The following ARRDC4 variants were observed in gnomAD, a reference collection of about 807,000 sequenced individuals.
The protein encoded by ARRDC4 is arrestin domain-containing protein 4.
A neutral mutation model predicts 44.6 loss-of-function variants in ARRDC4; 40 were observed. The observed-to-expected ratio is 0.90, with a 90% CI of 0.70 to 1.17. The LOEUF (loss-of-function observed/expected upper bound fraction) is 1.17. ARRDC4 is among the 50% of genes most tolerant of loss of function. ARRDC4 has a pLI of 0.00. For synonymous variants in ARRDC4, 211 were observed against 221.2 expected (o/e 0.95, Z 0.41); for missense variants, 550 against 559.1 (o/e 0.98, Z 0.16).
chr15:97,970,803 G>A lies in ARRDC4; in HGVS notation c.1200+60G>A. On this transcript the variant is annotated intron_variant, in intron 7 of 7. Coordinates refer to ENST00000268042, the MANE Select transcript of ARRDC4 (RefSeq NM_183376.3). The surrounding 1 kb of genome is among the most constrained non-coding windows in gnomAD (Gnocchi z 4.2). ...TATTATTTTCAAATAATCATTTTTT[G>A]TCATCCGTTCATTAGAGTGTCTGTT... The A allele has an allele frequency of 6.5e-7, 1 of 1,528,762 alleles. No homozygotes were observed. The highest frequency in any genetic ancestry group is 8.9e-7 in the Non-Finnish European group (1 of 1,117,802). The allele number at this position is 1,528,762 out of a possible 1,614,324, so 94.7% of individuals were successfully genotyped here.
In ARRDC4 at chr15:97,969,151, A is replaced by G; in HGVS notation, c.654A>G (p.Ile218Met). The change falls in exon 5 of 8, where the codon ATA becomes ATG. Residue 218 changes from isoleucine to methionine, a missense_variant. Transcript: ENST00000268042. ...AAGCTATTCCAATCTATGCAGAAATAGAAAATTGTTCCTCTCGTCTGATTG... is the reference window on the plus strand; with the variant it reads ...AAGCTATTCCAATCTATGCAGAAATGGAAAATTGTTCCTCTCGTCTGATTG... ...NGEAIPIYAE[I>M]ENCSSRLIVP... 6.2e-7 allele frequency: 1 copy of G among 1,613,876 alleles called. No individual in the cohort carries two copies. The highest frequency in any genetic ancestry group is 8.5e-7 in the Non-Finnish European group (1 of 1,179,788).
At position 97,960,801 on chromosome 15, in the gene ARRDC4, C is replaced by G. The variant is rs1899293331; in HGVS notation, c.-61C>G. On this transcript the variant is annotated 5_prime_UTR_variant, in exon 1 of 8. Coordinates refer to ENST00000268042, the MANE Select transcript of ARRDC4 (RefSeq NM_183376.3). ...CGCCTGTGACAGCGGCGCCGCTGTGCTCGCGACCCCGGCTCCGGGCCTCTG... is the reference window on the plus strand; with the variant it reads ...CGCCTGTGACAGCGGCGCCGCTGTGGTCGCGACCCCGGCTCCGGGCCTCTG... 1 of 1,252,838 alleles carries G rather than the reference C, an allele frequency of 8.0e-7. No homozygotes were observed. Among genetic ancestry groups the G allele is most frequent in the Non-Finnish European group, 1.0e-6 (1 of 998,038 alleles). The allele number at this position is 1,252,838 out of a possible 1,614,324, so 77.6% of individuals were successfully genotyped here. A position where few individuals can be genotyped will look rare whatever the true frequency, so the allele number is the denominator to read the frequency against.
At chr15:97,963,672 C>T (rs1899364369) in intron 1 of ARRDC4, among the ~76,000 whole-genome samples, 1 of 152,216 alleles carries the variant, frequency 6.6e-6, no homozygotes, top group Non-Finnish European at 1.5e-5. Context: ...TCTAGCACTC[C>T]ATGGTCATTG....
In ARRDC4 at chr15:97,968,630, A is replaced by G. The variant is rs1354444369; in HGVS notation, c.626-493A>G. 6.6e-6 allele frequency among the ~76,000 whole-genome samples: 1 copy of G among 152,194 alleles called. No homozygotes were observed. Among genetic ancestry groups the G allele is most frequent in the African/African-American group, 2.4e-5 (1 of 41,452 alleles). Reference sequence around the variant, plus strand: ...CAGGATTCTGACTTGTTAGAAAGGAATTCAGTATGGAATGGTATGATGTGC... The same window carrying G: ...CAGGATTCTGACTTGTTAGAAAGGAGTTCAGTATGGAATGGTATGATGTGC... On this transcript the variant is annotated intron_variant, in intron 4 of 7. Transcript: ENST00000268042. The surrounding 1 kb of genome is among the most constrained non-coding windows in gnomAD (Gnocchi z 5.4).
At position 97,968,017 on chromosome 15, in the gene ARRDC4, C is replaced by G. The variant is rs77718877; in HGVS notation, c.526C>G (p.Pro176Ala). 78 of 1,588,150 alleles carry G rather than the reference C, an allele frequency of 4.9e-5. 1 individual carries two copies. In the South Asian group the frequency reaches 8.2e-4, roughly 17 times the overall value. Residue 176 changes from proline (P) to alanine (A), a missense_variant, in exon 4 of 8, where the codon CCT becomes GCT. Pro to Ala is a conservative substitution (Grantham distance 27). Transcript: ENST00000268042. This position sits in a 1 kb window ranked among gnomAD's most constrained non-coding sequence, Gnocchi z 5.4. ...VDVNTPALLT[P>A]VLKTQEKMVG... ...TTTATTGTTTGAAATTTTCAAGACC[C>G]CTGTATTGAAAACTCAAGAGAAAAT...
rs532070636 is a variant in ARRDC4, at chr15:97,966,424, T to C, written c.522+382T>C. 1.3e-5 allele frequency among the ~76,000 whole-genome samples: 2 copies of C among 152,178 alleles called. No individual in the cohort carries two copies. Among genetic ancestry groups the C allele is most frequent in the African/African-American group, 2.4e-5 (1 of 41,534 alleles). On this transcript the variant is annotated intron_variant, in intron 3 of 7. Coordinates refer to ENST00000268042, the MANE Select transcript of ARRDC4 (RefSeq NM_183376.3). This position sits in a 1 kb window ranked among gnomAD's most constrained non-coding sequence, Gnocchi z 4.7. ...TTCTAAACTCCTCAATAATAGCAGG[T>C]TGAGGAACAGTAATTATGGAAGAGT...
At position 97,967,266 on chromosome 15, in the gene ARRDC4, G is replaced by A. The variant is rs2141534794; in HGVS notation, c.523-748G>A. 6.6e-6 allele frequency among the ~76,000 whole-genome samples: 1 copy of A among 152,154 alleles called. No individual in the cohort carries two copies. The highest frequency in any genetic ancestry group is 1.5e-5 in the Non-Finnish European group (1 of 68,012). ...TTTGTCTTTGCCAAAAACAGACACT[G>A]TTGATCCCTTACGATTCTTTATATA... is the stretch of plus-strand genomic sequence containing the variant. On this transcript the variant is annotated intron_variant, in intron 3 of 7. Coordinates refer to ENST00000268042, the MANE Select transcript of ARRDC4 (RefSeq NM_183376.3). This position sits in a 1 kb window ranked among gnomAD's most constrained non-coding sequence, Gnocchi z 5.0.
Position 97,972,679 on chromosome 15 carries a change from A to T in ARRDC4, c.*1492A>T, listed in dbSNP as rs1009020545. The T allele has an allele frequency of 6.6e-6, 1 of 152,598 alleles. No homozygotes were observed. Among genetic ancestry groups the T allele is most frequent in the African/African-American group, 2.4e-5 (1 of 41,434 alleles). 9.5% of individuals were successfully genotyped at this position (152,598 alleles called of 1,614,324 possible). On this transcript the variant is annotated 3_prime_UTR_variant, in exon 8 of 8. Coordinates refer to ENST00000268042, the MANE Select transcript of ARRDC4 (RefSeq NM_183376.3). This position sits in a 1 kb window ranked among gnomAD's most constrained non-coding sequence, Gnocchi z 5.3. ...TTCATGTCCTAAGGGTTTGATCCAGAAACCCTGGTGCTTCCCCTGCAGAAT... is the reference window on the plus strand; with the variant it reads ...TTCATGTCCTAAGGGTTTGATCCAGTAACCCTGGTGCTTCCCCTGCAGAAT...
chr15:97,965,513 A>T lies in ARRDC4; in HGVS notation c.308-87A>T. On this transcript the variant is annotated intron_variant, in intron 1 of 7. Transcript: ENST00000268042. This position sits in a 1 kb window ranked among gnomAD's most constrained non-coding sequence, Gnocchi z 5.1. The stretch of plus-strand genomic sequence containing the variant: ...TATGCTGCATTTTGTAGCGAGAAAA[A>T]CTTCCTTCAAAAAATTATTTACATT... 5.2e-6 allele frequency: 6 copies of T among 1,150,264 alleles called. No individual in the cohort carries two copies. The highest frequency in any genetic ancestry group is 1.5e-5 in the African/African-American group (1 of 64,960). The allele number at this position is 1,150,264 out of a possible 1,614,324, so 71.3% of individuals were successfully genotyped here.
At position 97,973,516 on chromosome 15, in the gene ARRDC4, C is replaced by G. The variant is rs1012932142; in HGVS notation, c.*2329C>G. 1 of 152,564 alleles carries G rather than the reference C, an allele frequency of 6.6e-6. No individual in the cohort carries two copies. Among genetic ancestry groups the G allele is most frequent in the African/African-American group, 2.4e-5 (1 of 41,436 alleles). The allele number at this position is 152,564 out of a possible 1,614,324, so 9.5% of individuals were successfully genotyped here. ...TTAAAAATGTAGCTGCTGTTATTTG[C>G]TTGGTTATTCCCCTCTTGCTCTTCT... On this transcript the variant is annotated 3_prime_UTR_variant, in exon 8 of 8. Coordinates refer to ENST00000268042, the MANE Select transcript of ARRDC4 (RefSeq NM_183376.3).
Position 97,969,391 on chromosome 15 carries a change from T to G in ARRDC4, c.882+12T>G, listed in dbSNP as rs745348979. 6 of 1,552,172 alleles carry G rather than the reference T, an allele frequency of 3.9e-6. No individual in the cohort carries two copies. The African/African-American group carries it at 1.1e-4, about 28-fold the overall frequency. On this transcript the variant is annotated intron_variant, in intron 5 of 7. Coordinates refer to ENST00000268042, the MANE Select transcript of ARRDC4 (RefSeq NM_183376.3). ...ACTATTCCTTAGCTGTAAGCAAAGCTCTTTTTTAAAAAAAAATGTGTATGA... is the reference window on the plus strand; with the variant it reads ...ACTATTCCTTAGCTGTAAGCAAAGCGCTTTTTTAAAAAAAAATGTGTATGA...
Position 97,965,506 on chromosome 15 carries a change from G to A in ARRDC4, c.308-94G>A, listed in dbSNP as rs55909216. On this transcript the variant is annotated intron_variant, in intron 1 of 7. Transcript: ENST00000268042. The surrounding 1 kb of genome is among the most constrained non-coding windows in gnomAD (Gnocchi z 5.1). ...TTTGGAGTATGCTGCATTTTGTAGC[G>A]AGAAAAACTTCCTTCAAAAAATTAT... The A allele has an allele frequency of 0.06, 64,892 of 1,075,370 alleles. 2,217 individuals carry two copies. The highest frequency in any genetic ancestry group is 0.069 in the Non-Finnish European group (48,657 of 704,910). The allele number at this position is 1,075,370 out of a possible 1,614,324, so 66.6% of individuals were successfully genotyped here. A position where few individuals can be genotyped will look rare whatever the true frequency, so the allele number is the denominator to read the frequency against.
chr15:97,972,903 C>T lies in ARRDC4; in HGVS notation c.*1716C>T, dbSNP rs1043372. On this transcript the variant is annotated 3_prime_UTR_variant, in exon 8 of 8. Transcript: ENST00000268042. This position sits in a 1 kb window ranked among gnomAD's most constrained non-coding sequence, Gnocchi z 5.3. ...CTCTCCTCTGCAATCCTGGAAGCATCGTGCATAGTTCTTTCATTGTAAGCC... is the reference window on the plus strand; with the variant it reads ...CTCTCCTCTGCAATCCTGGAAGCATTGTGCATAGTTCTTTCATTGTAAGCC... 0.55 allele frequency: 84,200 copies of T among 152,504 alleles called. 24,536 individuals carry two copies. Among genetic ancestry groups the T allele is most frequent in the East Asian group, 0.89 (4,577 of 5,170 alleles). 9.4% of individuals were successfully genotyped at this position (152,504 alleles called of 1,614,324 possible). A position where few individuals can be genotyped will look rare whatever the true frequency, so the allele number is the denominator to read the frequency against.
Position 97,971,329 on chromosome 15 carries a change from G to A in ARRDC4, c.*142G>A. On this transcript the variant is annotated 3_prime_UTR_variant, in exon 8 of 8. Coordinates refer to ENST00000268042, the MANE Select transcript of ARRDC4 (RefSeq NM_183376.3). ...CTGAAGGCAATAGAAATTAAAGAAT[G>A]TGAGAAAGTTCTGGTGGGCCGGCAG... The A allele has an allele frequency of 2.4e-6, 2 of 842,136 alleles. No homozygotes were observed. Among genetic ancestry groups the A allele is most frequent in the Non-Finnish European group, 3.7e-6 (2 of 536,212 alleles). 52.2% of individuals were successfully genotyped at this position (842,136 alleles called of 1,614,324 possible).
rs1377642308 is a variant in ARRDC4 at position 97,967,274 on chromosome 15, C to A, written c.523-740C>A. 1.3e-5 allele frequency among the ~76,000 whole-genome samples: 2 copies of A among 151,730 alleles called. No homozygotes were observed. The highest frequency in any genetic ancestry group is 6.6e-5 in the Admixed American group (1 of 15,258). On this transcript the variant is annotated intron_variant, in intron 3 of 7. Transcript: ENST00000268042. The surrounding 1 kb of genome is among the most constrained non-coding windows in gnomAD (Gnocchi z 5.0). ...TGCCAAAAACAGACACTGTTGATCCCTTACGATTCTTTATATAAATAAAAA... is the reference window on the plus strand; with the variant it reads ...TGCCAAAAACAGACACTGTTGATCCATTACGATTCTTTATATAAATAAAAA...
chr15:97,961,520 C>G (rs745405866), intron 1 of ARRDC4, among the ~76,000 whole-genome samples: 34 of 152,296 alleles, frequency 2.2e-4, no homozygotes, highest in Admixed American at 5.9e-4. Context: ...ACGGTGGAAC[C>G]GGCGGCTATG....
Position 97,960,918 on chromosome 15 carries a change from C to A in ARRDC4, c.57C>A (p.Ser19Arg). ...TGGGTGCCGAGGGCCGCGTGAAGAG[C>A]CTGGGTCTGGTGTTCGAGGACGAGC... ...AAVGAEGRVK[S>R]LGLVFEDERK... Residue 19 changes from serine (S) to arginine (R), a missense_variant, in exon 1 of 8, where the codon AGC (serine) becomes AGA (arginine). By Grantham distance (110) the Ser-to-Arg change is moderately radical (BLOSUM62 -1). Coordinates refer to ENST00000268042, the MANE Select transcript of ARRDC4 (RefSeq NM_183376.3). 1 of 1,455,484 alleles carries A rather than the reference C, an allele frequency of 6.9e-7. No individual in the cohort carries two copies. The highest frequency in any genetic ancestry group is 9.1e-7 in the Non-Finnish European group (1 of 1,099,586). 90.2% of individuals were successfully genotyped at this position (1,455,484 alleles called of 1,614,324 possible).
In ARRDC4 at chr15:97,965,530, ATT is replaced by A; in HGVS notation, c.308-68_308-67del. ...CGAGAAAAACTTCCTTCAAAAAATT[ATT>A]TACATTGTGAAAACTCTTGATCTAA... On this transcript the variant is annotated intron_variant, in intron 1 of 7. Coordinates refer to ENST00000268042, the MANE Select transcript of ARRDC4 (RefSeq NM_183376.3). This position sits in a 1 kb window ranked among gnomAD's most constrained non-coding sequence, Gnocchi z 5.1. 7 of 1,327,350 alleles carry A rather than the reference ATT, an allele frequency of 5.3e-6. No individual in the cohort carries two copies. The highest frequency in any genetic ancestry group is 7.5e-6 in the Non-Finnish European group (7 of 930,692). 82.2% of individuals were successfully genotyped at this position (1,327,350 alleles called of 1,614,324 possible). A position where few individuals can be genotyped will look rare whatever the true frequency, so the allele number is the denominator to read the frequency against.
chr15:97,961,277 G>A (rs996585790), intron 1 of ARRDC4, 109 bp downstream of exon 1: 118 of 1,044,432 alleles, frequency 1.1e-4, no homozygotes, highest in Non-Finnish European at 1.5e-4. Context: ...GATCAGGGCG[G>A]GCTTCCGGGG....
Sources: allele counts gnomAD v4.1 joint callset (sites outside exome capture counted in the v4.1 genomes callset), GRCh38; gene constraint gnomAD v4.1.1; non-coding constraint Gnocchi (gnomAD v3.1); transcripts MANE v1.5; gene names NCBI Gene and HGNC (gene_info 2026-07-23, HGNC 2026-07-21).